COG4: variants seen among roughly 807,000 people sequenced by gnomAD.
The protein encoded by COG4 is conserved oligomeric Golgi complex subunit 4.
In COG4, 65 loss-of-function variants were observed where a neutral mutation model predicts 95.1. That is an observed-to-expected ratio of 0.68 (90% confidence interval 0.56 to 0.84). The LOEUF (loss-of-function observed/expected upper bound fraction) is 0.84. COG4 is among the 40% of genes least tolerant of loss of function. The probability of loss-of-function intolerance (pLI) is 0.00; values close to 1 mark genes in which losing one functional copy is unlikely to be tolerated. For synonymous variants in COG4, 421 were observed against 374.8 expected (o/e 1.12, Z -1.42); for missense variants, 1,045 against 989.1 (o/e 1.06, Z -0.76).
chr16:70,523,158 G>T, intron 1 of COG4: 1 of 595,830 alleles, frequency 1.7e-6, no homozygotes, highest in Non-Finnish European at 3.0e-6. Flanking sequence ...AGAGGCTGCA[G>T]ATCGCCCAGG....
intron 8 of COG4, among the ~76,000 whole-genome samples, chr16:70,508,118 ACCATATTGG>A: frequency 6.6e-6 from 1 of 151,762 alleles, no homozygotes. Flanking sequence ...ACGGGGTTTC[ACCATATTGG>A]CCAGGCTGGT....
intron 3 of COG4, among the ~76,000 whole-genome samples, chr16:70,514,895 T>C (rs1402337334): frequency 6.6e-6 from 1 of 151,944 alleles, no homozygotes; most frequent in Non-Finnish European, 1.5e-5. Flanking sequence ...GTATTTTTTG[T>C]AGAGGCAGGG....
At position 70,498,174 on chromosome 16, in the gene COG4, C is replaced by A; in HGVS notation, c.1196-119G>T. ...TTTGAAATATGTACATATTTTACAT[C>A]GTTACAATCATGATACAGATAGCAA... On this transcript the variant is annotated intron_variant, in intron 9 of 18. Coordinates refer to ENST00000323786, the MANE Select transcript of COG4 (RefSeq NM_015386.3). The A allele has an allele frequency of 4.3e-6, 3 of 705,282 alleles. 1 individual carries two copies. The highest frequency in any genetic ancestry group is 3.0e-5 in the South Asian group (2 of 66,128). The allele number at this position is 705,282 out of a possible 1,614,324, so 43.7% of individuals were successfully genotyped here.
At chr16:70,515,497 A>C (rs188084579) in intron 3 of COG4, among the ~76,000 whole-genome samples, 101 of 152,212 alleles carry the variant, frequency 6.6e-4, no homozygotes, top group Middle Eastern at 3.4e-3. Context: ...CAGCCTGACC[A>C]ACATGGTGAA....
chr16:70,495,814 T>C (rs375783873), intron 12 of COG4, among the ~76,000 whole-genome samples: 1 of 152,254 alleles, frequency 6.6e-6, no homozygotes, highest in African/African-American at 2.4e-5. Flanking sequence ...TAAAGCCTCC[T>C]TTCCAGAGGA....
chr16:70,511,053 C>G (rs886997886), intron 5 of COG4, among the ~76,000 whole-genome samples: 1 of 152,214 alleles, frequency 6.6e-6, no homozygotes, highest in African/African-American at 2.4e-5. Flanking sequence ...GCGTGAGTCA[C>G]CGCGCCTGGC....
chr16:70,514,876 C>T (rs2049790090), intron 3 of COG4, among the ~76,000 whole-genome samples: 1 of 151,684 alleles, frequency 6.6e-6, no homozygotes, highest in Admixed American at 6.6e-5. Flanking sequence ...CCATGCCTGG[C>T]TAGTTTTTGT....
At chr16:70,508,796 T>C (rs1285131670) in intron 7 of COG4, 2 of 567,306 alleles carry the variant, frequency 3.5e-6, no homozygotes, top group Non-Finnish European at 6.7e-6. Flanking sequence ...TTTTACTTTC[T>C]CTGCTCAAAA....
rs1322756637 is a variant in COG4 at position 70,519,540 on chromosome 16, A to G, written c.254+109T>C. On this transcript the variant is annotated intron_variant, in intron 2 of 18. Transcript: ENST00000323786. ...ACTTTATCTTGAGATAATACCCTTT[A>G]CATTTCAAGCTGAACTGGTGTTTAT... The G allele has an allele frequency of 2.7e-5, 21 of 769,606 alleles. No homozygotes were observed. In the East Asian group the frequency reaches 3.1e-4, roughly 11 times the overall value. 47.7% of individuals were successfully genotyped at this position (769,606 alleles called of 1,614,324 possible).
chr16:70,518,417 G>A (rs1011334151), intron 2 of COG4, among the ~76,000 whole-genome samples: 2 of 151,902 alleles, frequency 1.3e-5, no homozygotes, highest in Non-Finnish European at 2.9e-5. Context: ...AGAATGCAGT[G>A]GCACGATCAT....
At chr16:70,496,463 A>G (rs2049342262) in intron 11 of COG4, 32 bp from the exon 12 acceptor site, 1 of 1,612,640 alleles carries the variant, frequency 6.2e-7, no homozygotes, top group East Asian at 2.2e-5. Context: ...AGGAATTGAC[A>G]GTGCTCAACT....
chr16:70,493,625 CAG>C (rs1158584112), intron 12 of COG4, among the ~76,000 whole-genome samples: 1 of 152,116 alleles, frequency 6.6e-6, no homozygotes, highest in African/African-American at 2.4e-5. Flanking sequence ...TGAGAAATAG[CAG>C]AGTCAGTTCA....
At position 70,517,717 on chromosome 16, in the gene COG4, C is replaced by G. The variant is rs2049853333; in HGVS notation, c.278G>C (p.Gly93Ala). ...RMGPNLQLIE[G>A]DAKQLAGMIT... is the part of the protein sequence containing the mutation. ...CATTCCAGCCAGCTGCTTTGCATCT[C>G]CCTCAATCAGCTGCAGATTAGGACT... Residue 93 changes from glycine to alanine, a missense_variant, in exon 3 of 19, where the codon GGA becomes GCA. By Grantham distance (60) the Gly-to-Ala change is moderately conservative. Transcript: ENST00000323786. 1.2e-6 allele frequency: 2 copies of G among 1,612,482 alleles called. No homozygotes were observed. Among genetic ancestry groups the G allele is most frequent in the Non-Finnish European group, 1.7e-6 (2 of 1,178,778 alleles).
Position 70,509,737 on chromosome 16 carries a change from ACT to A in COG4, c.844+177_844+178del, listed in dbSNP as rs2049658224. The A allele has an allele frequency of 2.9e-5, 19 of 649,864 alleles. No individual in the cohort carries two copies. In the East Asian group the frequency reaches 5.3e-4, roughly 18 times the overall value. The allele number at this position is 649,864 out of a possible 1,614,324, so 40.3% of individuals were successfully genotyped here. A position where few individuals can be genotyped will look rare whatever the true frequency, so the allele number is the denominator to read the frequency against. ...TAGGTAGGATCAAAACACTGGAGAG[ACT>A]CTAATCTTTGCTAATCAGGCACTGA... is the stretch of plus-strand genomic sequence containing the variant. On this transcript the variant is annotated intron_variant, in intron 6 of 18. Transcript: ENST00000323786.
chr16:70,517,363 G>A (rs115578628), intron 3 of COG4, among the ~76,000 whole-genome samples: 44 of 151,848 alleles, frequency 2.9e-4, no homozygotes, highest in African/African-American at 1.0e-3. Context: ...AAAGGTGGAA[G>A]GATAACTTGA....
At chr16:70,511,945 A>AT (rs950215917) in intron 5 of COG4, among the ~76,000 whole-genome samples, 3 of 152,070 alleles carry the variant, frequency 2.0e-5, no homozygotes, top group African/African-American at 7.2e-5. Context: ...AAAAAAAAAA[A>AT]GAGTGATTCA....
At chr16:70,502,370 G>A (rs1215576957) in intron 8 of COG4, among the ~76,000 whole-genome samples, 3 of 151,220 alleles carry the variant, frequency 2.0e-5, no homozygotes, top group African/African-American at 7.3e-5. Context: ...TGAGGTGGGC[G>A]GATCACCTGA....
intron 6 of COG4, among the ~76,000 whole-genome samples, chr16:70,509,674 G>A (rs760913935): frequency 2.6e-5 from 4 of 152,120 alleles, no homozygotes; most frequent in African/African-American, 9.7e-5. Context: ...TTTATTTTAG[G>A]GTTAAATTTA....
At chr16:70,520,183 C>T (rs1449673759) in intron 1 of COG4, among the ~76,000 whole-genome samples, 1 of 152,066 alleles carries the variant, frequency 6.6e-6, no homozygotes, top group Non-Finnish European at 1.5e-5. Context: ...CGTCGGTAAT[C>T]CCAGCACTTT....
Sources: gnomAD v4.1 joint callset for allele counts (sites outside exome capture counted in the v4.1 genomes callset) on GRCh38, gnomAD v4.1.1 for gene constraint, MANE v1.5 for transcripts, NCBI Gene and HGNC (gene_info 2026-07-23, HGNC 2026-07-21) for gene names.